The following PLXNA4 variants were observed in gnomAD, a reference collection of about 807,000 sequenced individuals.
The protein encoded by PLXNA4 is plexin-A4.
Under a neutral mutation model 191.8 loss-of-function variants are expected in PLXNA4, and 44 were observed. That is an observed-to-expected ratio of 0.23 (90% CI 0.18 to 0.29). PLXNA4 has a LOEUF of 0.29. Among genes scored for constraint, PLXNA4 ranks in the 10% least tolerant of loss-of-function variants. The pLI is 1.00. For missense variants in PLXNA4, 1,800 were observed against 2,488.8 expected, an observed-to-expected ratio of 0.72 and a Z score of 5.89; for synonymous variants, 1,082 against 1,009.5, an observed-to-expected ratio of 1.07 and a Z score of -1.36.
chr7:132,605,170 T>C (rs1334112981), intron 2 of PLXNA4, among the ~76,000 whole-genome samples: 3 of 152,086 alleles, frequency 2.0e-5, no homozygotes, highest in Admixed American at 2.0e-4. Context: ...GAATGGAGCA[T>C]GGGGAAGATA....
intron 20 of PLXNA4, among the ~76,000 whole-genome samples, chr7:132,177,215 G>T (rs1254217371): frequency 1.3e-5 from 2 of 152,246 alleles, no homozygotes; most frequent in African/African-American, 4.8e-5. Context: ...GTGAGTGTAT[G>T]TGTGAGTCCA....
chr7:132,249,560 C>T (rs1348826406), intron 4 of PLXNA4, among the ~76,000 whole-genome samples: 2 of 152,152 alleles, frequency 1.3e-5, no homozygotes, highest in Admixed American at 6.5e-5. Context: ...GGCACGTGAT[C>T]GTTATTAGCC....
intron 1 of PLXNA4, among the ~76,000 whole-genome samples, chr7:132,563,344 CCT>C (rs1258182941): frequency 1.7e-5 from 2 of 115,286 alleles, no homozygotes; most frequent in Non-Finnish European, 3.6e-5. Context: ...TCCTTCTCCT[CCT>C]CTTTCTCCTC....
At chr7:132,495,773 G>A (rs1374134437) in intron 2 of PLXNA4, among the ~76,000 whole-genome samples, 6 of 152,216 alleles carry the variant, frequency 3.9e-5, no homozygotes, top group Admixed American at 3.3e-4. Context: ...CTCACCCATG[G>A]TGGGGCCAAC....
At chr7:132,305,251 C>CTTAAGGACT (rs1303617749) in intron 3 of PLXNA4, among the ~76,000 whole-genome samples, 1 of 152,076 alleles carries the variant, frequency 6.6e-6, no homozygotes, top group African/African-American at 2.4e-5. Context: ...ACTGGTGAGG[C>CTTAAGGACT]CACATGAGCA....
At chr7:132,287,755 CCTCT>C (rs759143927) in intron 4 of PLXNA4, among the ~76,000 whole-genome samples, 2 of 152,170 alleles carry the variant, frequency 1.3e-5, no homozygotes, top group African/African-American at 2.4e-5. Context: ...CTGCCTACTC[CCTCT>C]GTGAGGTGAG....
At chr7:132,522,343 C>A (rs1006973196) in intron 1 of PLXNA4, among the ~76,000 whole-genome samples, 1 of 152,202 alleles carries the variant, frequency 6.6e-6, no homozygotes, top group African/African-American at 2.4e-5. Flanking sequence ...ATATGACCAC[C>A]CCAACCCAAC....
intron 3 of PLXNA4, among the ~76,000 whole-genome samples, chr7:132,386,676 A>T (rs573787880): frequency 6.0e-4 from 92 of 152,300 alleles, no homozygotes; most frequent in Admixed American, 1.1e-3. Flanking sequence ...CCGTCGTCTG[A>T]AATACCCAGC....
rs577421258 is a variant in PLXNA4 at position 132,510,128 on chromosome 7, G to A, written c.-86-1349C>T. ...GACAGCTTTATGTTTCTTCCAGTTC[G>A]AGAGAATTCAGGGCAGGAATTGCCA... On this transcript the variant is annotated intron_variant, in intron 1 of 31. Coordinates refer to ENST00000321063, the MANE Select transcript of PLXNA4 (RefSeq NM_020911.2). 1.6e-3 allele frequency among the ~76,000 whole-genome samples: 249 copies of A among 152,288 alleles called. 1 individual carries two copies. The highest frequency in any genetic ancestry group is 5.0e-3 in the South Asian group (24 of 4,830).
intron 3 of PLXNA4, among the ~76,000 whole-genome samples, chr7:132,405,232 G>C (rs546916132): frequency 6.6e-6 from 1 of 152,164 alleles, no homozygotes; most frequent in African/African-American, 2.4e-5. Context: ...AGTGGAGCCT[G>C]GGCCTTGGTG....
intron 25 of PLXNA4, among the ~76,000 whole-genome samples, chr7:132,154,741 G>A (rs1795744288): frequency 6.6e-6 from 1 of 152,170 alleles, no homozygotes; most frequent in Non-Finnish European, 1.5e-5. Context: ...GTGGGAAGGA[G>A]GGAAGGTGAC....
intron 2 of PLXNA4, among the ~76,000 whole-genome samples, chr7:132,636,398 T>C (rs1304496010): frequency 6.6e-6 from 1 of 152,186 alleles, no homozygotes; most frequent in Non-Finnish European, 1.5e-5. Context: ...TCCCCTGTAG[T>C]CTGATGTTTC....
intron 4 of PLXNA4, among the ~76,000 whole-genome samples, chr7:132,276,031 T>A (rs535354558): frequency 6.6e-6 from 1 of 152,326 alleles, no homozygotes; most frequent in Admixed American, 6.5e-5. Flanking sequence ...CTGCAACCCT[T>A]AGTCCCAGTT....
chr7:132,223,305 C>T (rs950603815), intron 9 of PLXNA4, among the ~76,000 whole-genome samples: 5 of 152,188 alleles, frequency 3.3e-5, no homozygotes. Flanking sequence ...CTGGAATACA[C>T]CTTTGTCTGT....
At chr7:132,132,730 G>A (rs1795004926) in intron 31 of PLXNA4, among the ~76,000 whole-genome samples, 2 of 152,090 alleles carry the variant, frequency 1.3e-5, no homozygotes, top group African/African-American at 4.8e-5. Context: ...CCTGTTTAAA[G>A]AGAGTTAGAT....
chr7:132,484,620 T>C lies in PLXNA4; in HGVS notation c.1371+4672A>G, dbSNP rs1797471305. 14 of 916,504 alleles carry C rather than the reference T, an allele frequency of 1.5e-5. No individual in the cohort carries two copies. In the South Asian group the frequency reaches 2.3e-4, roughly 15 times the overall value. The allele number at this position is 916,504 out of a possible 1,614,324, so 56.8% of individuals were successfully genotyped here. On this transcript the variant is annotated intron_variant, in intron 3 of 31. Transcript: ENST00000321063. Reference sequence around the variant, plus strand: ...TGGCAGCTTGGGCTGGAGAAACATATAGCACAACAGAACTACCTGACCGAA... The same window carrying C: ...TGGCAGCTTGGGCTGGAGAAACATACAGCACAACAGAACTACCTGACCGAA...
chr7:132,398,932 G>A (rs1404173105), intron 3 of PLXNA4, among the ~76,000 whole-genome samples: 1 of 152,142 alleles, frequency 6.6e-6, no homozygotes, highest in Non-Finnish European at 1.5e-5. Context: ...AGATTCTAAA[G>A]GCTGTCCACA....
intron 3 of PLXNA4, among the ~76,000 whole-genome samples, chr7:132,443,535 A>C (rs1449418602): frequency 6.6e-6 from 1 of 152,138 alleles, no homozygotes; most frequent in Non-Finnish European, 1.5e-5. Flanking sequence ...TCCAGCTGCC[A>C]CCGGGCCTGT....
At chr7:132,399,510 G>A (rs1157331599) in intron 3 of PLXNA4, among the ~76,000 whole-genome samples, 3 of 152,168 alleles carry the variant, frequency 2.0e-5, no homozygotes, top group Non-Finnish European at 2.9e-5. Flanking sequence ...AGATCACTTC[G>A]GCTGACTGGA....
Sources: gnomAD v4.1 joint callset for allele counts (sites outside exome capture counted in the v4.1 genomes callset) on GRCh38, gnomAD v4.1.1 for gene constraint, MANE v1.5 for transcripts, NCBI Gene and HGNC (gene_info 2026-07-23, HGNC 2026-07-21) for gene names.